Variants in ERGIC3 observed in about 807,000 individuals in gnomAD.
ERGIC3 encodes the protein ERGIC and golgi 3.
ERGIC3 carries 33 observed loss-of-function variants against 54.7 expected under a neutral mutation model. The observed-to-expected ratio is 0.60, with a 90% CI of 0.46 to 0.81. The LOEUF (loss-of-function observed/expected upper bound fraction) is 0.81. Among genes scored for constraint, ERGIC3 ranks in the 30% least tolerant of loss-of-function variants. The pLI, the probability that ERGIC3 is intolerant of heterozygous loss-of-function variation, is 0.00. For missense variants in ERGIC3, 399 were observed against 488.4 expected, an observed-to-expected ratio of 0.82 and a Z score of 1.73; for synonymous variants, 186 against 189.8, an observed-to-expected ratio of 0.98 and a Z score of 0.16.
intron 10 of ERGIC3, 196 bp from the exon 11 acceptor site, chr20:35,556,777 G>T: frequency 1.4e-6 from 1 of 698,896 alleles, no homozygotes. Flanking sequence ...GCACCTGGAG[G>T]GGAAGGCTGA....
At chr20:35,554,421 T>C in intron 7 of ERGIC3, 1 of 1,613,370 alleles carries the variant, frequency 6.2e-7, no homozygotes, top group Non-Finnish European at 8.5e-7. Context: ...GCCAAACCCC[T>C]ACTTCTGGGG....
intron 7 of ERGIC3, chr20:35,554,793 T>TC (rs2064702230): frequency 3.3e-6 from 2 of 606,844 alleles, no homozygotes; most frequent in African/African-American, 3.7e-5. Flanking sequence ...AGTCAAGGCA[T>TC]AGAGTTCCCT....
intron 4 of ERGIC3, chr20:35,543,558 G>A (rs946383859): frequency 3.6e-5 from 17 of 467,668 alleles, no homozygotes; most frequent in African/African-American, 1.0e-4. Context: ...AATTCCCTTC[G>A]TTAACTCAGT....
intron 3 of ERGIC3, 57 bp from the exon 4 acceptor site, chr20:35,542,765 C>T (rs1345974831): frequency 2.5e-6 from 4 of 1,613,582 alleles, no homozygotes; most frequent in Non-Finnish European, 3.4e-6. Flanking sequence ...CCCTCCAAAA[C>T]CCACATCCCC....
intron 3 of ERGIC3, 21 bp downstream of exon 3, chr20:35,542,621 G>A: frequency 1.2e-6 from 2 of 1,613,426 alleles, no homozygotes; most frequent in South Asian, 1.1e-5. Context: ...CACCATGGGT[G>A]GGACTGGAGA....
At position 35,548,574 on chromosome 20, in the gene ERGIC3, C is replaced by G. The variant is rs1198140249; in HGVS notation, c.527C>G (p.Pro176Arg). The G allele has an allele frequency of 3.7e-6, 6 of 1,614,124 alleles. No homozygotes were observed. The Admixed American group carries it at 8.3e-5, about 22-fold the overall frequency. Residue 176 changes from proline (P) to arginine (R), a missense_variant, in exon 6 of 13, where the codon CCA (proline) becomes CGA (arginine). Coordinates refer to ENST00000348547, the MANE Select transcript of ERGIC3 (RefSeq NM_015966.3). ...YRRRGWAFKNPDTIEQCRREG... is the reference protein window; with the variant it reads ...YRRRGWAFKNRDTIEQCRREG... ...CGTAGAGGCTGGGCCTTCAAGAACC[C>G]AGATACTATTGAGCAGTGCCGGCGA...
chr20:35,549,218 G>A, intron 7 of ERGIC3: 1 of 476,894 alleles, frequency 2.1e-6, no homozygotes, highest in Non-Finnish European at 4.3e-6. Context: ...GTAGGTACTT[G>A]TTGAAATGGT....
chr20:35,555,114 TG>T, intron 8 of ERGIC3, 39 bp downstream of exon 8: 1 of 1,094,268 alleles, frequency 9.1e-7, no homozygotes, highest in Non-Finnish European at 1.3e-6. Flanking sequence ...CAGGTGGGGG[TG>T]GGAGGCTTGG....
chr20:35,542,387 C>A lies in ERGIC3; in HGVS notation c.153C>A (p.Thr51=), dbSNP rs2064618705. ...TGTCCGAGCTGCAGTATTACCTCAC[C>A]ACGGAGGTAAGGGGCGGGGCTTAGT... The part of the protein sequence containing the change: ...LFLSELQYYL[T]TEVHPELYVD... Residue 51 remains threonine (T), a synonymous_variant, in exon 2 of 13, where the codon ACC becomes ACA. Coordinates refer to ENST00000348547, the MANE Select transcript of ERGIC3 (RefSeq NM_015966.3). 6.2e-7 allele frequency: 1 copy of A among 1,613,530 alleles called. No individual in the cohort carries two copies. The highest frequency in any genetic ancestry group is 1.1e-5 in the South Asian group (1 of 91,064).
At chr20:35,543,427 A>G (rs2147302105) in intron 4 of ERGIC3, 1 of 346,344 alleles carries the variant, frequency 2.9e-6, no homozygotes, top group South Asian at 2.3e-5. Flanking sequence ...AGAAAGTGGT[A>G]ATAAAACAGT....
intron 8 of ERGIC3, 41 bp from the exon 9 acceptor site, chr20:35,555,992 C>A: frequency 6.3e-7 from 1 of 1,587,030 alleles, no homozygotes; most frequent in South Asian, 1.1e-5. Flanking sequence ...CTGCTACTGT[C>A]ATCAGAGCTT....
At position 35,557,008 on chromosome 20, in the gene ERGIC3, T is replaced by C. The variant is rs1349843526; in HGVS notation, c.915T>C (p.His305=). 5.0e-6 allele frequency: 8 copies of C among 1,613,736 alleles called. No homozygotes were observed. The highest frequency in any genetic ancestry group is 6.8e-6 in the Non-Finnish European group (8 of 1,179,622). ...CAAATCAGTTCTCTGTGACCAGACA[T>C]GAGAAGGTTGCCAATGGGCTGTTGG... ...LRTNQFSVTR[H]EKVANGLLGD... Residue 305 remains histidine (H), a synonymous_variant, in exon 11 of 13, where the codon CAT becomes CAC. Coordinates refer to ENST00000348547, the MANE Select transcript of ERGIC3 (RefSeq NM_015966.3).
In ERGIC3 at chr20:35,555,037, C is replaced by G. The variant is rs373532105; in HGVS notation, c.686-7C>G. On this transcript the variant is annotated splice_polypyrimidine_tract_variant and splice_region_variant and intron_variant, in intron 7 of 12. Transcript: ENST00000348547. ...CCTTCTCCCTTGCCTTCTCCCTTCTCTCCTAGTCCATGACTTGCAGAGCTT... is the reference window on the plus strand; with the variant it reads ...CCTTCTCCCTTGCCTTCTCCCTTCTGTCCTAGTCCATGACTTGCAGAGCTT... 15 of 1,613,698 alleles carry G rather than the reference C, an allele frequency of 9.3e-6. No individual in the cohort carries two copies. The South Asian group carries it at 1.4e-4, about 15-fold the overall frequency.
intron 7 of ERGIC3, among the ~76,000 whole-genome samples, chr20:35,551,665 T>C (rs955402499): frequency 6.6e-6 from 1 of 152,144 alleles, no homozygotes; most frequent in Non-Finnish European, 1.5e-5. Context: ...TAGGGGAGAC[T>C]GGAGGAGGAG....
chr20:35,548,072 A>G (rs1364195124), intron 5 of ERGIC3, among the ~76,000 whole-genome samples: 3 of 152,192 alleles, frequency 2.0e-5, no homozygotes, highest in South Asian at 2.1e-4. Flanking sequence ...CATTTTAACT[A>G]TTTTTAAGTG....
rs769960070 is a variant in ERGIC3 at position 35,554,988 on chromosome 20, C to T, written c.686-56C>T. On this transcript the variant is annotated intron_variant, in intron 7 of 12. Coordinates refer to ENST00000348547, the MANE Select transcript of ERGIC3 (RefSeq NM_015966.3). ...CAGTCCAGGGGGAGGAAGGAGGAGG[C>T]CAGTGCTGCTCCTACTAATGACGCC... The T allele has an allele frequency of 2.4e-5, 38 of 1,593,064 alleles. No individual in the cohort carries two copies. The South Asian group carries it at 4.2e-4, about 18-fold the overall frequency.
chr20:35,554,977 G>A, intron 7 of ERGIC3, 67 bp from the exon 8 acceptor site: 1 of 1,573,626 alleles, frequency 6.4e-7, no homozygotes, highest in Non-Finnish European at 8.7e-7. Flanking sequence ...CCAGGGGGAG[G>A]AAGGAGGAGG....
intron 4 of ERGIC3, chr20:35,544,597 C>T (rs568599654): frequency 2.2e-4 from 58 of 264,006 alleles, no homozygotes; most frequent in Admixed American, 6.8e-4. Context: ...TCATACGGGG[C>T]GAAACCACAC....
chr20:35,544,287 C>G (rs1411951889), intron 4 of ERGIC3: 1 of 193,488 alleles, frequency 5.2e-6, no homozygotes, highest in Non-Finnish European at 1.0e-5. Flanking sequence ...ATCTCTTGAC[C>G]TTGTGATCCA....
Sources: gnomAD v4.1 joint callset for allele counts (sites outside exome capture counted in the v4.1 genomes callset) on GRCh38, gnomAD v4.1.1 for gene constraint, MANE v1.5 for transcripts, NCBI Gene and HGNC (gene_info 2026-07-23, HGNC 2026-07-21) for gene names.